The following PDE12 variants were observed in gnomAD, a reference collection of about 807,000 sequenced individuals.
PDE12 encodes phosphodiesterase 12, also known as 2',5'-phosphodiesterase 12.
In PDE12, 26 loss-of-function variants were observed where a neutral mutation model predicts 45.4. The ratio of observed to expected loss-of-function variants is 0.57; its 90% CI spans 0.42 to 0.79. PDE12 has a LOEUF of 0.79. Among genes scored for constraint, PDE12 ranks in the 30% least tolerant of loss-of-function variants. PDE12 has a pLI of 0.00. For synonymous variants in PDE12, 283 were observed against 323.9 expected, an observed-to-expected ratio of 0.87 and a Z score of 1.36; for missense variants, 668 against 790.0, an observed-to-expected ratio of 0.85 and a Z score of 1.85.
At position 57,560,475 on chromosome 3, in the gene PDE12, G is replaced by A. The variant is rs1435455232; in HGVS notation, c.*471G>A. On this transcript the variant is annotated 3_prime_UTR_variant, in exon 3 of 3. Coordinates refer to ENST00000311180, the MANE Select transcript of PDE12 (RefSeq NM_177966.7). ...CGAGTAGCTGGGATTACAGGCGTGC[G>A]CCAACATGTCTGGCTAATTTTTGTA... is the stretch of plus-strand genomic sequence containing the variant. The A allele has an allele frequency of 1.2e-5, 5 of 405,380 alleles. No homozygotes were observed. Among genetic ancestry groups the A allele is most frequent in the South Asian group, 2.0e-4 (2 of 9,912 alleles). The allele number at this position is 405,380 out of a possible 1,614,324, so 25.1% of individuals were successfully genotyped here. A position where few individuals can be genotyped will look rare whatever the true frequency, so the allele number is the denominator to read the frequency against.
At chr3:57,596,907 G>C in the PDE12 span, 1 of 657,706 alleles carries the variant, frequency 1.5e-6, no homozygotes, top group South Asian at 1.9e-5. Context: ...GGGGGGGATC[G>C]CTCACCCTCC....
At chr3:57,596,925 T>C in the PDE12 span, 6 of 761,832 alleles carry the variant, frequency 7.9e-6, no homozygotes, top group Non-Finnish European at 1.3e-5. Flanking sequence ...TCCGCTCCAT[T>C]GTTCCCCCTT....
At chr3:57,620,351 G>A in the PDE12 span, among the ~76,000 whole-genome samples, 2 of 151,458 alleles carry the variant, frequency 1.3e-5, no homozygotes, top group Admixed American at 6.6e-5. Context: ...AGGAGTTTGA[G>A]AGCACCCTCA....
At chr3:57,612,685 C>A in the PDE12 span, among the ~76,000 whole-genome samples, 2 of 150,884 alleles carry the variant, frequency 1.3e-5, no homozygotes, top group African/African-American at 4.9e-5. Flanking sequence ...GCAAGAGAAT[C>A]ACTTGAACCG....
the PDE12 span, among the ~76,000 whole-genome samples, chr3:57,588,801 AC>A: frequency 6.8e-6 from 1 of 147,080 alleles, no homozygotes; most frequent in Non-Finnish European, 1.5e-5. Context: ...TACAAAAAAT[AC>A]AAAAATTAGC....
chr3:57,630,943 T>G, the PDE12 span: 1 of 1,613,550 alleles, frequency 6.2e-7, no homozygotes, highest in East Asian at 2.2e-5. Flanking sequence ...GGGAAATACT[T>G]TTCTGCAAAG....
At chr3:57,624,380 G>T in the PDE12 span, among the ~76,000 whole-genome samples, 3 of 152,032 alleles carry the variant, frequency 2.0e-5, no homozygotes, top group Non-Finnish European at 4.4e-5. Flanking sequence ...TCGATCTCCT[G>T]ACCTTGTGAT....
chr3:57,573,155 T>C, the PDE12 span, among the ~76,000 whole-genome samples: 4 of 147,262 alleles, frequency 2.7e-5, no homozygotes, highest in Non-Finnish European at 6.0e-5. Flanking sequence ...TGAGCCGAGA[T>C]CGTGCCACAG....
chr3:57,597,235 G>A, the PDE12 span: 41 of 1,220,748 alleles, frequency 3.4e-5, 1 homozygote, highest in East Asian at 7.6e-4. Flanking sequence ...TAAACGAGAG[G>A]GAAGAGAAAG....
the PDE12 span, among the ~76,000 whole-genome samples, chr3:57,581,147 A>T: frequency 6.6e-6 from 1 of 152,218 alleles, no homozygotes; most frequent in Non-Finnish European, 1.5e-5. Context: ...TTTACTACAC[A>T]CTGTGCCATG....
the PDE12 span, among the ~76,000 whole-genome samples, chr3:57,596,439 G>C: frequency 1.8e-3 from 280 of 152,214 alleles, 1 homozygote; most frequent in African/African-American, 6.4e-3. Context: ...CTCAGTTTTC[G>C]GAGAATGAGA....
the PDE12 span, chr3:57,645,594 A>G: frequency 8.1e-7 from 1 of 1,229,670 alleles, no homozygotes. Flanking sequence ...TTTTATTACC[A>G]AAAATAATTC....
At chr3:57,653,338 A>G in the PDE12 span, among the ~76,000 whole-genome samples, 1 of 152,234 alleles carries the variant, frequency 6.6e-6, no homozygotes, top group Non-Finnish European at 1.5e-5. Flanking sequence ...GTTACAAGAT[A>G]AATCATTCTT....
Position 57,565,498 on chromosome 3 carries a change from T to C in PDE12, c.*5494T>C, listed in dbSNP as rs1385742937. 6.6e-6 allele frequency: 1 copy of C among 152,210 alleles called. No individual in the cohort carries two copies. Among genetic ancestry groups the C allele is most frequent in the African/African-American group, 2.4e-5 (1 of 41,448 alleles). 9.4% of individuals were successfully genotyped at this position (152,210 alleles called of 1,614,324 possible). A position where few individuals can be genotyped will look rare whatever the true frequency, so the allele number is the denominator to read the frequency against. ...CTCTCTCAGTTATTCTAAAATGTGATATACACACTTTTAAAAGGATTTATT... is the reference window on the plus strand; with the variant it reads ...CTCTCTCAGTTATTCTAAAATGTGACATACACACTTTTAAAAGGATTTATT... On this transcript the variant is annotated 3_prime_UTR_variant, in exon 3 of 3. Coordinates refer to ENST00000311180, the MANE Select transcript of PDE12 (RefSeq NM_177966.7).
In PDE12 at chr3:57,557,175, A is replaced by AGT. The variant is rs745464066; in HGVS notation, c.806_807dup (p.Val270TrpfsTer2). 1.2e-6 allele frequency: 2 copies of AGT among 1,613,856 alleles called. No homozygotes were observed. The highest frequency in any genetic ancestry group is 1.3e-5 in the African/African-American group (1 of 74,868). ...CTTTGGGCACAGCCGGGAGTTGGAA[A>AGT]GTGTGTGTGTGGTAGAGGCTGGGCC... On this transcript the variant is annotated frameshift_variant, in exon 1 of 3. Coordinates refer to ENST00000311180, the MANE Select transcript of PDE12 (RefSeq NM_177966.7). LOFTEE classifies it high-confidence loss of function.
the PDE12 span, among the ~76,000 whole-genome samples, chr3:57,641,423 T>TAGAA: frequency 6.8e-6 from 1 of 147,924 alleles, no homozygotes; most frequent in Non-Finnish European, 1.5e-5. Context: ...TATATTATTA[T>TAGAA]TCTATAATAA....
chr3:57,620,554 G>A, the PDE12 span, among the ~76,000 whole-genome samples: 1 of 151,980 alleles, frequency 6.6e-6, no homozygotes, highest in African/African-American at 2.4e-5. Flanking sequence ...ATTCACAGAT[G>A]GCATAGTCTT....
At chr3:57,646,439 C>G in the PDE12 span, 1 of 1,611,478 alleles carries the variant, frequency 6.2e-7, no homozygotes, top group Non-Finnish European at 8.5e-7. Context: ...GCAGAAACAC[C>G]TGAAAGGTGA....
At chr3:57,570,074 G>T (rs896518816), downstream of PDE12, among the ~76,000 whole-genome samples, 3 of 152,076 alleles carry the variant, frequency 2.0e-5, no homozygotes, top group Admixed American at 6.6e-5. Context: ...TATAGGAAAT[G>T]ACACCTGTCT....
Sources: allele counts gnomAD v4.1 joint callset (sites outside exome capture counted in the v4.1 genomes callset), GRCh38; gene constraint gnomAD v4.1.1; transcripts MANE v1.5; gene names NCBI Gene and HGNC (gene_info 2026-07-23, HGNC 2026-07-21).